SARS1: variants seen among roughly 807,000 people sequenced by gnomAD.
SARS1 encodes serine--tRNA ligase, cytoplasmic.
SARS1 carries 25 observed loss-of-function variants against 63.7 expected under a neutral mutation model. The ratio of observed to expected loss-of-function variants is 0.39; its 90% CI spans 0.29 to 0.55. The LOEUF (loss-of-function observed/expected upper bound fraction) is 0.55, where lower values mean the gene tolerates loss of function less well. Among genes scored for constraint, SARS1 ranks in the 20% least tolerant of loss-of-function variants. The probability of loss-of-function intolerance (pLI) is 0.62; values close to 1 mark genes in which losing one functional copy is unlikely to be tolerated. For synonymous variants in SARS1, 231 were observed against 243.5 expected (o/e 0.95, Z 0.48); for missense variants, 417 against 649.7 (o/e 0.64, Z 3.89).
At chr1:109,236,230 T>C (rs1655306485) in intron 8 of SARS1, 124 bp downstream of exon 8, 1 of 1,333,858 alleles carries the variant, frequency 7.5e-7, no homozygotes, top group Non-Finnish European at 1.0e-6. Flanking sequence ...AATTAAAATA[T>C]TACACTCTTC....
rs1353052340 is a variant in SARS1 at position 109,237,758 on chromosome 1, A to G, written c.1415A>G (p.Lys472Arg). 1.9e-6 allele frequency: 3 copies of G among 1,614,094 alleles called. No homozygotes were observed. In the African/African-American group the frequency reaches 4.0e-5, roughly 22 times the overall value. ...CTGCAAGAACTGATCCCCTTTGTGA[A>G]GCCTGCGCCCATTGAGCAGGAGCCA... ...PGLQELIPFV[K>R]PAPIEQEPSK... The change falls in exon 11 of 11, where the codon AAG becomes AGG. Residue 472 changes from lysine to arginine, a missense_variant. This residue lies in a region of SARS1 where 43 missense variants were observed against 68.1 expected (regional missense o/e 0.63). Transcript: ENST00000234677. This position sits in a 1 kb window ranked among gnomAD's most constrained non-coding sequence, Gnocchi z 4.1.
rs1553177726 is a variant in SARS1 at position 109,226,677 on chromosome 1, A to AATATATATAT, written c.208-1663_208-1654dup. Among the ~76,000 whole-genome samples, 24 of 44,948 alleles carry AATATATATAT rather than the reference A, an allele frequency of 5.3e-4. 1 individual carries two copies. The highest frequency in any genetic ancestry group is 1.8e-3 in the African/African-American group (22 of 12,102). The allele number at this position is 44,948 out of a possible 152,430, so 29.5% of individuals were successfully genotyped here. A position where few individuals can be genotyped will look rare whatever the true frequency, so the allele number is the denominator to read the frequency against. ...CCTGGCTAATTTAAAAAAAAAAAAA[A>AATATATATAT]ATATATATATATATATATATACACA... On this transcript the variant is annotated intron_variant, in intron 2 of 10. Transcript: ENST00000234677.
At chr1:109,224,112 G>T in intron 2 of SARS1, 64 bp downstream of exon 2, 1 of 1,220,946 alleles carries the variant, frequency 8.2e-7, no homozygotes. Flanking sequence ...CTTGCTCTTA[G>T]CTAATGTTCA....
chr1:109,218,068 C>G (rs1207494057), intron 1 of SARS1, among the ~76,000 whole-genome samples: 2 of 151,880 alleles, frequency 1.3e-5, no homozygotes, highest in African/African-American at 4.8e-5. Context: ...TGGGGGGCGC[C>G]TGTAGTCCCA....
intron 2 of SARS1, among the ~76,000 whole-genome samples, chr1:109,227,777 G>C (rs1217219589): frequency 6.6e-6 from 1 of 151,750 alleles, no homozygotes; most frequent in Non-Finnish European, 1.5e-5. Flanking sequence ...AAATTAGCCA[G>C]ACGTGGTGGT....
chr1:109,235,799 T>C lies in SARS1; in HGVS notation c.970-178T>C, dbSNP rs954789009. Among the ~76,000 whole-genome samples, 1 of 152,206 alleles carries C rather than the reference T, an allele frequency of 6.6e-6. No individual in the cohort carries two copies. The highest frequency in any genetic ancestry group is 1.5e-5 in the Non-Finnish European group (1 of 68,036). ...CACTCAGAACAGGGGCTGGCATGCATACGGGAAGCTCGCACCATAAGCATT... is the reference window on the plus strand; with the variant it reads ...CACTCAGAACAGGGGCTGGCATGCACACGGGAAGCTCGCACCATAAGCATT... On this transcript the variant is annotated intron_variant, in intron 7 of 10. Coordinates refer to ENST00000234677, the MANE Select transcript of SARS1 (RefSeq NM_006513.4). This position sits in a 1 kb window ranked among gnomAD's most constrained non-coding sequence, Gnocchi z 4.7.
In SARS1 at chr1:109,235,050, T is replaced by G. The variant is rs1326509805; in HGVS notation, c.748-160T>G. 2.2e-4 allele frequency among the ~76,000 whole-genome samples: 34 copies of G among 152,244 alleles called. No homozygotes were observed. The highest frequency in any genetic ancestry group is 2.2e-3 in the Admixed American group (34 of 15,282). On this transcript the variant is annotated intron_variant, in intron 6 of 10. Coordinates refer to ENST00000234677, the MANE Select transcript of SARS1 (RefSeq NM_006513.4). The surrounding 1 kb of genome is among the most constrained non-coding windows in gnomAD (Gnocchi z 4.7). Reference sequence around the variant, plus strand: ...CTCTGTCAGGGACCCCATTTTGGACTGACCCATTCCTTTATCTTTTTAGTA... The same window carrying G: ...CTCTGTCAGGGACCCCATTTTGGACGGACCCATTCCTTTATCTTTTTAGTA...
chr1:109,232,674 A>G (rs1259336500), intron 6 of SARS1, among the ~76,000 whole-genome samples: 1 of 152,256 alleles, frequency 6.6e-6, no homozygotes, highest in Non-Finnish European at 1.5e-5. Context: ...CCTGAGCATC[A>G]GTATAACCTT....
intron 6 of SARS1, among the ~76,000 whole-genome samples, chr1:109,234,568 G>T (rs1037068845): frequency 3.9e-5 from 6 of 152,148 alleles, no homozygotes; most frequent in Admixed American, 3.9e-4. Flanking sequence ...TTGGTGTTTA[G>T]TAAACGTCTC....
intron 2 of SARS1, among the ~76,000 whole-genome samples, chr1:109,224,879 T>C (rs1655030976): frequency 6.6e-6 from 1 of 152,168 alleles, no homozygotes; most frequent in Non-Finnish European, 1.5e-5. Flanking sequence ...GCAAATTGCT[T>C]GAGCTCAGGA....
intron 2 of SARS1, among the ~76,000 whole-genome samples, chr1:109,227,673 G>A (rs879255925): frequency 4.6e-5 from 7 of 151,970 alleles, no homozygotes; most frequent in Non-Finnish European, 7.4e-5. Flanking sequence ...AGGCCAAGGT[G>A]GGGGATCACT....
rs1655346716 is a variant in SARS1, at chr1:109,237,807, T to C, written c.1464T>C (p.His488=). The change falls in exon 11 of 11, where the codon CAT becomes CAC. Residue 488 remains histidine (H), a synonymous_variant. Coordinates refer to ENST00000234677, the MANE Select transcript of SARS1 (RefSeq NM_006513.4). This position sits in a 1 kb window ranked among gnomAD's most constrained non-coding sequence, Gnocchi z 4.1. ...QEPSKKQKKQ[H]EGSKKKAAAR... The stretch of plus-strand genomic sequence containing the variant: ...CATCAAAGAAGCAGAAGAAGCAACA[T>C]GAGGGCAGCAAAAAGAAAGCAGCAG... 7 of 1,614,120 alleles carry C rather than the reference T, an allele frequency of 4.3e-6. No homozygotes were observed. Among genetic ancestry groups the C allele is most frequent in the Non-Finnish European group, 5.1e-6 (6 of 1,180,032 alleles).
At chr1:109,226,213 C>T (rs1655065211) in intron 2 of SARS1, among the ~76,000 whole-genome samples, 1 of 144,692 alleles carries the variant, frequency 6.9e-6, no homozygotes, top group African/African-American at 2.6e-5. Flanking sequence ...CCAGATTTTT[C>T]CAACTTTTTA....
chr1:109,219,239 C>T (rs2101184018), intron 1 of SARS1, among the ~76,000 whole-genome samples: 1 of 116,944 alleles, frequency 8.6e-6, no homozygotes, highest in East Asian at 2.3e-4. Flanking sequence ...GCAGTCCAGC[C>T]TGGGCGATAG....
Position 109,237,011 on chromosome 1 carries a change from A to G in SARS1, c.1258-233A>G. ...CAAAGGGCCCAACTCTCAGAATACC[A>G]GAAGCTACCACTTGTCACTCATCGA... is the stretch of plus-strand genomic sequence containing the variant. On this transcript the variant is annotated intron_variant, in intron 9 of 10. Coordinates refer to ENST00000234677, the MANE Select transcript of SARS1 (RefSeq NM_006513.4). This position sits in a 1 kb window ranked among gnomAD's most constrained non-coding sequence, Gnocchi z 4.1. The G allele has an allele frequency of 7.6e-7, 1 of 1,311,490 alleles. No homozygotes were observed. Among genetic ancestry groups the G allele is most frequent in the Non-Finnish European group, 1.0e-6 (1 of 975,092 alleles). 81.2% of individuals were successfully genotyped at this position (1,311,490 alleles called of 1,614,324 possible). A position where few individuals can be genotyped will look rare whatever the true frequency, so the allele number is the denominator to read the frequency against.
chr1:109,218,401 T>C (rs961866694), intron 1 of SARS1, among the ~76,000 whole-genome samples: 9 of 130,848 alleles, frequency 6.9e-5, no homozygotes, highest in Non-Finnish European at 1.3e-4. Flanking sequence ...TACTGAGATA[T>C]TTTACTTTTT....
At chr1:109,218,479 C>G (rs553962856) in intron 1 of SARS1, among the ~76,000 whole-genome samples, 14 of 145,664 alleles carry the variant, frequency 9.6e-5, no homozygotes, top group Admixed American at 2.1e-4. Context: ...CCACTCTGTT[C>G]AGGTGCTCAT....
At chr1:109,216,872 C>A in intron 1 of SARS1, 2 of 954,940 alleles carry the variant, frequency 2.1e-6, no homozygotes, top group Non-Finnish European at 2.5e-6. Flanking sequence ...ATCCTCCCAC[C>A]TCGGCCTCCC....
rs1390702388 is a variant in SARS1 at position 109,237,253 on chromosome 1, G to A, written c.1267G>A (p.Val423Ile). The A allele has an allele frequency of 6.2e-7, 1 of 1,612,382 alleles. No homozygotes were observed. Among genetic ancestry groups the A allele is most frequent in the South Asian group, 1.1e-5 (1 of 90,736 alleles). ...GACCCTGTCTTCCCAGGTGGAGTTT[G>A]TCCATATGCTCAATGCTACCATGTG... The part of the protein sequence containing the change: ...TKKMMDKVEF[V>I]HMLNATMCAT... The change falls in exon 10 of 11, where the codon GTC (valine) becomes ATC (isoleucine). Residue 423 changes from valine (V) to isoleucine (I), a missense_variant. This residue lies in a region of SARS1 where 15 missense variants were observed against 52.0 expected (regional missense o/e 0.29). Coordinates refer to ENST00000234677, the MANE Select transcript of SARS1 (RefSeq NM_006513.4). The surrounding 1 kb of genome is among the most constrained non-coding windows in gnomAD (Gnocchi z 4.1).
Sources: allele counts gnomAD v4.1 joint callset (sites outside exome capture counted in the v4.1 genomes callset), GRCh38; gene constraint gnomAD v4.1.1; regional missense constraint gnomAD v4.1.1; non-coding constraint Gnocchi (gnomAD v3.1); transcripts MANE v1.5; gene names NCBI Gene and HGNC (gene_info 2026-07-23, HGNC 2026-07-21).